Variants in STIM2 observed in about 807,000 individuals in gnomAD.
STIM2 encodes the protein stromal interaction molecule 2.
In STIM2, 31 loss-of-function variants were observed where a neutral mutation model predicts 85.8. That is an observed-to-expected ratio of 0.36 (90% CI 0.27 to 0.49). The LOEUF is 0.49. Ranked by LOEUF, STIM2 falls within the 20% of genes least tolerant of loss-of-function variation. The pLI is 0.98. For missense variants in STIM2, 841 were observed against 927.6 expected (o/e 0.91, Z 1.21); for synonymous variants, 356 against 331.1 (o/e 1.08, Z -0.82).
Position 26,956,443 on chromosome 4 carries a change from C to CT in STIM2, c.283-1153dup, listed in dbSNP as rs545865394. On this transcript the variant is annotated intron_variant, in intron 2 of 11. Transcript: ENST00000467087. ...TTTTTAGCAAAGATGATTTCAATGC[C>CT]TTTTTTTTTTTTTTTTAAGAGACAG... Among the ~76,000 whole-genome samples the CT allele has an allele frequency of 4.8e-3, 652 of 135,412 alleles. 3 individuals carry two copies. The highest frequency in any genetic ancestry group is 6.6e-3 in the South Asian group (28 of 4,212). 88.8% of individuals were successfully genotyped at this position (135,412 alleles called of 152,430 possible).
chr4:26,889,657 GGGCCTCATTAGCACCTGTAGCCAGGTC>G (rs1349750889), intron 1 of STIM2, among the ~76,000 whole-genome samples: 2 of 152,140 alleles, frequency 1.3e-5, no homozygotes, highest in Non-Finnish European at 2.9e-5. Flanking sequence ...CTGGCAGATT[GGGCCTCATTAGCACCTGTAGCCAGGTC>G]GGCCTTGGTA....
intron 1 of STIM2, among the ~76,000 whole-genome samples, chr4:26,912,362 A>C (rs1343070385): frequency 6.6e-6 from 1 of 152,166 alleles, no homozygotes; most frequent in African/African-American, 2.4e-5. Flanking sequence ...TGACTTAAAT[A>C]ATATTATAGG....
At chr4:26,964,989 A>G (rs1322243966) in intron 3 of STIM2, among the ~76,000 whole-genome samples, 3 of 152,180 alleles carry the variant, frequency 2.0e-5, no homozygotes, top group Non-Finnish European at 4.4e-5. Context: ...ATTTGTACTT[A>G]ATGTAGAGCA....
At chr4:26,953,333 A>G (rs370779070) in intron 2 of STIM2, among the ~76,000 whole-genome samples, 2 of 152,290 alleles carry the variant, frequency 1.3e-5, no homozygotes, top group East Asian at 1.9e-4. Context: ...AAACCACTCA[A>G]AATATTTTGT....
chr4:27,011,981 C>G (rs1332070241), intron 10 of STIM2, among the ~76,000 whole-genome samples: 1 of 151,998 alleles, frequency 6.6e-6, no homozygotes, highest in East Asian at 1.9e-4. Flanking sequence ...TCCATTAGCC[C>G]TTTAATCCAC....
At chr4:26,871,390 T>C (rs147011505) in intron 1 of STIM2, among the ~76,000 whole-genome samples, 426 of 152,066 alleles carry the variant, frequency 2.8e-3, no homozygotes, top group African/African-American at 9.6e-3. Context: ...TAATGTTACA[T>C]TGTAGATCTT....
At chr4:26,892,615 A>G (rs1452968359) in intron 1 of STIM2, among the ~76,000 whole-genome samples, 1 of 152,138 alleles carries the variant, frequency 6.6e-6, no homozygotes, top group Non-Finnish European at 1.5e-5. Flanking sequence ...ATGTTTTACC[A>G]ATAAGCTTAG....
At chr4:26,969,450 G>T (rs1726850104) in intron 3 of STIM2, among the ~76,000 whole-genome samples, 1 of 152,186 alleles carries the variant, frequency 6.6e-6, no homozygotes, top group African/African-American at 2.4e-5. Flanking sequence ...TTTTATGGGA[G>T]ACTTTTAATG....
At chr4:26,972,619 A>C (rs1172882409) in intron 3 of STIM2, among the ~76,000 whole-genome samples, 1 of 152,174 alleles carries the variant, frequency 6.6e-6, no homozygotes, top group East Asian at 1.9e-4. Context: ...AAGCTTTTTG[A>C]TGTGCTGCTG....
At chr4:27,000,635 A>T (rs1373037205) in intron 5 of STIM2, among the ~76,000 whole-genome samples, 1 of 152,246 alleles carries the variant, frequency 6.6e-6, no homozygotes, top group Non-Finnish European at 1.5e-5. Flanking sequence ...TTTGAAAAGA[A>T]ATCAAACTAG....
intron 1 of STIM2, among the ~76,000 whole-genome samples, chr4:26,888,941 C>T (rs983232207): frequency 6.6e-6 from 1 of 152,192 alleles, no homozygotes; most frequent in Non-Finnish European, 1.5e-5. Context: ...TTTGCCTGTT[C>T]ATTCTGAGGC....
intron 1 of STIM2, chr4:26,881,607 C>T (rs1191710110): frequency 1.3e-5 from 2 of 152,148 alleles, no homozygotes; most frequent in Non-Finnish European, 2.9e-5. Context: ...AGCCTTTAGA[C>T]CTGTAAGCAA....
At chr4:26,878,179 G>A (rs1272277099) in intron 1 of STIM2, among the ~76,000 whole-genome samples, 1 of 152,186 alleles carries the variant, frequency 6.6e-6, no homozygotes, top group Non-Finnish European at 1.5e-5. Context: ...TATGTGCTAG[G>A]TTTGTGATGG....
At chr4:26,907,662 C>CT (rs1411499225) in intron 1 of STIM2, among the ~76,000 whole-genome samples, 2 of 152,142 alleles carry the variant, frequency 1.3e-5, no homozygotes, top group African/African-American at 4.8e-5. Context: ...AATTATCGTA[C>CT]TTTAATATGG....
intron 1 of STIM2, among the ~76,000 whole-genome samples, chr4:26,884,306 A>G (rs1043855610): frequency 1.3e-5 from 2 of 152,176 alleles, no homozygotes; most frequent in Admixed American, 1.3e-4. Flanking sequence ...TACCCACTTA[A>G]TAGGGTTGTT....
chr4:27,018,237 C>G (rs1484905851), intron 11 of STIM2, among the ~76,000 whole-genome samples: 1 of 152,154 alleles, frequency 6.6e-6, no homozygotes. Flanking sequence ...AGGCTGCATT[C>G]TCATCTGGAG....
intron 1 of STIM2, among the ~76,000 whole-genome samples, chr4:26,882,247 A>G (rs1324559268): frequency 2.0e-5 from 3 of 152,128 alleles, no homozygotes; most frequent in East Asian, 1.9e-4. Flanking sequence ...AAAATGTGCT[A>G]TCATGAAAAG....
At chr4:26,919,656 T>C in intron 2 of STIM2, 22 bp downstream of exon 2, 1 of 1,612,916 alleles carries the variant, frequency 6.2e-7, no homozygotes, top group Non-Finnish European at 8.5e-7. Context: ...AATGTTTTCC[T>C]TGCTATTGTC....
intron 3 of STIM2, among the ~76,000 whole-genome samples, chr4:26,977,732 C>T (rs1004980329): frequency 6.6e-6 from 1 of 152,078 alleles, no homozygotes; most frequent in African/African-American, 2.4e-5. Context: ...TAGGAAAAAA[C>T]CCAGAAATCT....
Sources: gnomAD v4.1 joint callset for allele counts (sites outside exome capture counted in the v4.1 genomes callset) on GRCh38, gnomAD v4.1.1 for gene constraint, MANE v1.5 for transcripts, NCBI Gene and HGNC (gene_info 2026-07-23, HGNC 2026-07-21) for gene names.